NMNAT2: variants seen among roughly 807,000 people sequenced by gnomAD.
NMNAT2 encodes the protein nicotinamide nucleotide adenylyltransferase 2.
In NMNAT2, 11 loss-of-function variants were observed where a neutral mutation model predicts 41.6. That is an observed-to-expected ratio of 0.26 (90% CI 0.17 to 0.44). NMNAT2 has a LOEUF of 0.44. Ranked by LOEUF, NMNAT2 falls within the 20% of genes least tolerant of loss-of-function variation. NMNAT2 has a pLI of 1.00. For missense variants in NMNAT2, 288 were observed against 407.7 expected (o/e 0.71, Z 2.53); for synonymous variants, 148 against 151.2 (o/e 0.98, Z 0.16).
intron 1 of NMNAT2, among the ~76,000 whole-genome samples, chr1:183,338,149 T>TAAAAAAAAAAAAA (rs59064477): frequency 2.1e-5 from 2 of 96,412 alleles, no homozygotes; most frequent in East Asian, 3.8e-4. Context: ...CCCATCTCTT[T>TAAAAAAAAAAAAA]AAAAAAAAAA....
chr1:183,290,262 T>A, intron 3 of NMNAT2, 56 bp from the exon 4 acceptor site: 1 of 1,391,806 alleles, frequency 7.2e-7, no homozygotes, highest in Non-Finnish European at 9.9e-7. Flanking sequence ...TCTTTCCTTA[T>A]TGTTACCTTC....
chr1:183,362,026 C>A (rs921599144), intron 1 of NMNAT2, among the ~76,000 whole-genome samples: 1 of 152,138 alleles, frequency 6.6e-6, no homozygotes, highest in Non-Finnish European at 1.5e-5. Context: ...CAACCTCTGA[C>A]CCCTAAGGTT....
intron 1 of NMNAT2, among the ~76,000 whole-genome samples, chr1:183,352,526 A>G (rs924833381): frequency 4.2e-5 from 6 of 142,946 alleles, no homozygotes; most frequent in East Asian, 2.1e-4. Flanking sequence ...TCACACCACT[A>G]TACTCTAGCC....
chr1:183,352,562 CAAAAAAAA>C (rs55706245), intron 1 of NMNAT2, among the ~76,000 whole-genome samples: 12,704 of 79,998 alleles, frequency 0.16, 550 homozygotes, highest in Admixed American at 0.21. Context: ...CAGTCTGTCT[CAAAAAAAA>C]AAAAAAAAAA....
At chr1:183,344,512 G>A (rs779222526) in intron 1 of NMNAT2, among the ~76,000 whole-genome samples, 1 of 152,162 alleles carries the variant, frequency 6.6e-6, no homozygotes, top group Non-Finnish European at 1.5e-5. Flanking sequence ...GCACAAATTT[G>A]CCTTTTCATC....
At chr1:183,268,270 C>T (rs1367422479) in intron 8 of NMNAT2, among the ~76,000 whole-genome samples, 3 of 152,144 alleles carry the variant, frequency 2.0e-5, no homozygotes, top group South Asian at 4.1e-4. Flanking sequence ...GCCTCTTGCC[C>T]TGCCTTGCTG....
chr1:183,344,377 C>T (rs1407128005), intron 1 of NMNAT2, among the ~76,000 whole-genome samples: 1 of 152,158 alleles, frequency 6.6e-6, no homozygotes, highest in African/African-American at 2.4e-5. Flanking sequence ...CTTCAACCAC[C>T]ACGTGGCACT....
intron 8 of NMNAT2, among the ~76,000 whole-genome samples, chr1:183,276,719 G>A (rs1661132025): frequency 6.6e-6 from 1 of 152,230 alleles, no homozygotes; most frequent in Non-Finnish European, 1.5e-5. Flanking sequence ...TCCGGCAATT[G>A]CCCAGATTTG....
intron 1 of NMNAT2, among the ~76,000 whole-genome samples, chr1:183,385,586 A>T (rs1648212598): frequency 6.6e-6 from 1 of 151,986 alleles, no homozygotes; most frequent in Non-Finnish European, 1.5e-5. Flanking sequence ...ATATAAACAG[A>T]CAGAGCCTGG....
In NMNAT2 at chr1:183,252,009, T is replaced by G. The variant is rs1301752414; in HGVS notation, c.*632A>C. 6.5e-6 allele frequency: 1 copy of G among 154,808 alleles called. No individual in the cohort carries two copies. Among genetic ancestry groups the G allele is most frequent in the Non-Finnish European group, 1.4e-5 (1 of 70,010 alleles). The allele number at this position is 154,808 out of a possible 1,614,324, so 9.6% of individuals were successfully genotyped here. Reference sequence around the variant, plus strand: ...CCTTCTCTACTGGGTGTGGCCCTGATGAACTCACTGAGTGCTGAGGCTGGC... The same window carrying G: ...CCTTCTCTACTGGGTGTGGCCCTGAGGAACTCACTGAGTGCTGAGGCTGGC... On this transcript the variant is annotated 3_prime_UTR_variant, in exon 11 of 11. Coordinates refer to ENST00000287713, the MANE Select transcript of NMNAT2 (RefSeq NM_015039.4).
At chr1:183,392,627 A>G (rs1419067338) in intron 1 of NMNAT2, among the ~76,000 whole-genome samples, 1 of 152,172 alleles carries the variant, frequency 6.6e-6, no homozygotes, top group African/African-American at 2.4e-5. Flanking sequence ...CTCTAATCCC[A>G]TCTACCACCC....
chr1:183,290,763 C>T (rs969729752), intron 3 of NMNAT2: 1 of 152,318 alleles, frequency 6.6e-6, no homozygotes, highest in Admixed American at 6.5e-5. Context: ...TCCCTGCCTC[C>T]CTCTGCAGTG....
chr1:183,311,164 CT>C (rs1173015380), intron 1 of NMNAT2, among the ~76,000 whole-genome samples: 1 of 152,080 alleles, frequency 6.6e-6, no homozygotes, highest in Non-Finnish European at 1.5e-5. Context: ...AAATTCCAGT[CT>C]AGGGTGTCAG....
intron 8 of NMNAT2, among the ~76,000 whole-genome samples, chr1:183,272,033 A>G (rs1230227427): frequency 6.6e-6 from 1 of 152,208 alleles, no homozygotes; most frequent in East Asian, 1.9e-4. Context: ...GATTGCAAGC[A>G]TGAGCCACCA....
rs555830497 is a variant in NMNAT2 at position 183,353,706 on chromosome 1, ACT to A, written c.86-59915_86-59914del. 3.9e-4 allele frequency among the ~76,000 whole-genome samples: 60 copies of A among 152,176 alleles called. 2 individuals are homozygous for A. The East Asian group carries it at 0.011, about 27-fold the overall frequency. The stretch of plus-strand genomic sequence containing the variant: ...CAACAGGTTTTCAAAGTAGCAGTTG[ACT>A]CACCCACGTATTGCTGGATTGCTGG... On this transcript the variant is annotated intron_variant, in intron 1 of 10. Transcript: ENST00000287713.
At chr1:183,410,474 G>C (rs905898864) in intron 1 of NMNAT2, among the ~76,000 whole-genome samples, 4 of 152,012 alleles carry the variant, frequency 2.6e-5, no homozygotes, top group Non-Finnish European at 5.9e-5. Context: ...CTAACAAAGG[G>C]AACACTGACA....
At chr1:183,313,184 G>T (rs946623973) in intron 1 of NMNAT2, among the ~76,000 whole-genome samples, 5 of 148,370 alleles carry the variant, frequency 3.4e-5, no homozygotes, top group African/African-American at 5.0e-5. Context: ...GGATACCAAA[G>T]AACAAAGAAC....
At chr1:183,368,763 G>A (rs186293925) in intron 1 of NMNAT2, among the ~76,000 whole-genome samples, 17 of 152,302 alleles carry the variant, frequency 1.1e-4, no homozygotes, top group African/African-American at 2.6e-4. Flanking sequence ...GTCATCCTGC[G>A]TTGATACCAC....
chr1:183,302,236 C>A (rs1401605336), intron 1 of NMNAT2, among the ~76,000 whole-genome samples: 3 of 152,300 alleles, frequency 2.0e-5, no homozygotes, highest in East Asian at 1.9e-4. Context: ...GTAAAAGACA[C>A]AATTCACATC....
Sources: allele counts gnomAD v4.1 joint callset (sites outside exome capture counted in the v4.1 genomes callset), GRCh38; gene constraint gnomAD v4.1.1; transcripts MANE v1.5; gene names NCBI Gene and HGNC (gene_info 2026-07-23, HGNC 2026-07-21).